The following ITGA11 variants were observed in gnomAD, a reference collection of about 807,000 sequenced individuals.
ITGA11 encodes integrin alpha-11.
Under a neutral mutation model 141.9 loss-of-function variants are expected in ITGA11, and 97 were observed. The ratio of observed to expected loss-of-function variants is 0.68; its 90% CI spans 0.58 to 0.81. The LOEUF (loss-of-function observed/expected upper bound fraction) is 0.81, where lower values mean the gene tolerates loss of function less well. Among genes scored for constraint, ITGA11 ranks in the 30% least tolerant of loss-of-function variants. ITGA11 has a pLI of 0.00. For synonymous variants in ITGA11, 658 were observed against 624.6 expected, an observed-to-expected ratio of 1.05 and a Z score of -0.80; for missense variants, 1,387 against 1,559.2, an observed-to-expected ratio of 0.89 and a Z score of 1.86.
rs190340655 is a variant in ITGA11 at position 68,401,689 on chromosome 15, G to A, written c.164+1229C>T. Among the ~76,000 whole-genome samples, 640 of 152,214 alleles carry A rather than the reference G, an allele frequency of 4.2e-3. 3 individuals are homozygous for A. The highest frequency in any genetic ancestry group is 6.7e-3 in the Non-Finnish European group (454 of 68,002). ...AGTCAGCATAGTGGGTCCCTGGAGG[G>A]GCACTGGCTGGGGCGGGGGTGAGTG... On this transcript the variant is annotated intron_variant, in intron 2 of 29. Transcript: ENST00000315757.
intron 21 of ITGA11, among the ~76,000 whole-genome samples, chr15:68,317,049 T>C (rs1226498239): frequency 6.6e-6 from 1 of 152,224 alleles, no homozygotes; most frequent in Non-Finnish European, 1.5e-5. Context: ...GAATTCTCTC[T>C]GAGTTAAAGG....
intron 10 of ITGA11, among the ~76,000 whole-genome samples, chr15:68,343,232 G>A (rs1442956513): frequency 2.0e-5 from 3 of 152,156 alleles, no homozygotes; most frequent in Admixed American, 6.5e-5. Context: ...CGTCATTGCG[G>A]TAGCATGTGA....
At chr15:68,395,238 G>C (rs1418577940) in intron 2 of ITGA11, among the ~76,000 whole-genome samples, 1 of 152,200 alleles carries the variant, frequency 6.6e-6, no homozygotes, top group Non-Finnish European at 1.5e-5. Flanking sequence ...GAGCAGAAAA[G>C]CTGAAAACTC....
chr15:68,329,563 G>A (rs983754626), intron 15 of ITGA11, among the ~76,000 whole-genome samples: 3 of 152,180 alleles, frequency 2.0e-5, no homozygotes, highest in Non-Finnish European at 4.4e-5. Context: ...CTGTGAGACC[G>A]ATTCTCTTGA....
At chr15:68,311,172 C>T (rs1893369104) in intron 25 of ITGA11, 92 bp from the exon 26 acceptor site, 1 of 1,295,488 alleles carries the variant, frequency 7.7e-7, no homozygotes, top group Non-Finnish European at 1.1e-6. Context: ...TTTTCTCCTC[C>T]TCTAGCCGTG....
Position 68,322,990 on chromosome 15 carries a change from G to A in ITGA11, c.2323-1487C>T, listed in dbSNP as rs1379471963. Among the ~76,000 whole-genome samples the A allele has an allele frequency of 5.3e-5, 8 of 152,232 alleles. No individual in the cohort carries two copies. Among genetic ancestry groups the A allele is most frequent in the Non-Finnish European group, 1.2e-4 (8 of 68,040 alleles). On this transcript the variant is annotated intron_variant, in intron 18 of 29. Coordinates refer to ENST00000315757, the MANE Select transcript of ITGA11 (RefSeq NM_001004439.2). This position sits in a 1 kb window ranked among gnomAD's most constrained non-coding sequence, Gnocchi z 5.6. ...GGATATTCAAGCCTGGAGCTGAGGG[G>A]CAGTAACTGTCACTACCGACAACAC...
At chr15:68,312,967 C>T (rs1040696113) in intron 23 of ITGA11, 104 bp from the exon 24 acceptor site, 42 of 761,204 alleles carry the variant, frequency 5.5e-5, no homozygotes, top group East Asian at 8.3e-5. Flanking sequence ...CCCCGGGCCA[C>T]GAAAAACAGG....
chr15:68,311,258 C>T (rs145367554), intron 25 of ITGA11, 32 bp downstream of exon 25: 26,975 of 1,474,546 alleles, frequency 0.018, 300 homozygotes, highest in Non-Finnish European at 0.022. Context: ...TTCTGGTCCC[C>T]TCCCCTAGCC....
At chr15:68,384,508 C>T (rs528483165) in intron 2 of ITGA11, among the ~76,000 whole-genome samples, 17 of 152,300 alleles carry the variant, frequency 1.1e-4, no homozygotes, top group Admixed American at 2.0e-4. Context: ...TCTGGATTTC[C>T]ACTCTCCCAG....
chr15:68,320,159 G>A lies in ITGA11; in HGVS notation c.2616+26C>T, dbSNP rs201235658. 24 of 1,607,552 alleles carry A rather than the reference G, an allele frequency of 1.5e-5. No individual in the cohort carries two copies. The African/African-American group carries it at 2.8e-4, about 19-fold the overall frequency. On this transcript the variant is annotated intron_variant, in intron 20 of 29. Transcript: ENST00000315757. The stretch of plus-strand genomic sequence containing the variant: ...TTTTCCTCTGTGCCAGGCAGAGGCA[G>A]TCTGGGCAGGTCGCTGAGGTCTTAC...
intron 4 of ITGA11, among the ~76,000 whole-genome samples, chr15:68,363,962 A>C (rs1176471944): frequency 1.3e-5 from 2 of 152,236 alleles, no homozygotes; most frequent in African/African-American, 4.8e-5. Flanking sequence ...CTCTCTTTCC[A>C]CCACAGTGTA....
chr15:68,310,413 G>A lies in ITGA11; in HGVS notation c.3174+581C>T, dbSNP rs185756036. On this transcript the variant is annotated intron_variant, in intron 26 of 29. Transcript: ENST00000315757. ...TCTGGGGGAAGTAAAACTAAAACAG[G>A]GAAGATTGTTGTCTGGGGGAAGAAC... is the stretch of plus-strand genomic sequence containing the variant. Among the ~76,000 whole-genome samples, 12 of 152,248 alleles carry A rather than the reference G, an allele frequency of 7.9e-5. 1 individual carries two copies. The highest frequency in any genetic ancestry group is 3.4e-3 in the Middle Eastern group (1 of 294).
rs1894260389 is a variant in ITGA11, at chr15:68,333,885, T to C, written c.1426-1407A>G. On this transcript the variant is annotated intron_variant, in intron 12 of 29. Coordinates refer to ENST00000315757, the MANE Select transcript of ITGA11 (RefSeq NM_001004439.2). This position sits in a 1 kb window ranked among gnomAD's most constrained non-coding sequence, Gnocchi z 4.2. ...CTGCCAAACTGAGTTATTTCTCTTC[T>C]CCAAAGGCCCCAGGCCTTGGCTGGC... is the stretch of plus-strand genomic sequence containing the variant. 6.6e-6 allele frequency among the ~76,000 whole-genome samples: 1 copy of C among 152,186 alleles called. No homozygotes were observed. The highest frequency in any genetic ancestry group is 1.5e-5 in the Non-Finnish European group (1 of 68,026).
At chr15:68,425,859 C>T (rs575534702) in intron 1 of ITGA11, among the ~76,000 whole-genome samples, 15 of 152,312 alleles carry the variant, frequency 9.8e-5, no homozygotes, top group East Asian at 7.7e-4. Flanking sequence ...GCCCCAGCTG[C>T]GCAGGCAGGA....
At chr15:68,353,632 G>A (rs1490878469) in intron 7 of ITGA11, among the ~76,000 whole-genome samples, 1 of 152,078 alleles carries the variant, frequency 6.6e-6, no homozygotes, top group Non-Finnish European at 1.5e-5. Context: ...TTTTAAATTC[G>A]GATTCTGCAC....
intron 2 of ITGA11, among the ~76,000 whole-genome samples, chr15:68,394,981 C>T (rs532284400): frequency 5.6e-4 from 85 of 152,258 alleles, no homozygotes; most frequent in African/African-American, 1.9e-3. Flanking sequence ...ATGCAGAAGA[C>T]GGGTGATTTC....
intron 2 of ITGA11, among the ~76,000 whole-genome samples, chr15:68,392,849 A>G (rs1350252491): frequency 2.0e-5 from 3 of 152,234 alleles, no homozygotes; most frequent in African/African-American, 7.2e-5. Flanking sequence ...TATTTACAAA[A>G]TGAGTAAATA....
chr15:68,351,101 G>T (rs2279101), intron 8 of ITGA11, among the ~76,000 whole-genome samples, 157 bp downstream of exon 8: 1 of 151,950 alleles, frequency 6.6e-6, no homozygotes, highest in African/African-American at 2.4e-5. Context: ...AGTGCAGAAA[G>T]ATCCTCAACT....
Position 68,348,843 on chromosome 15 carries a change from G to A in ITGA11, c.1118C>T (p.Ser373Leu), listed in dbSNP as rs370537171. Residue 373 changes from serine to leucine, a missense_variant, in exon 10 of 30, where the codon TCG (serine) becomes TTG (leucine). Ser to Leu is a moderately radical substitution (Grantham distance 145). Coordinates refer to ENST00000315757, the MANE Select transcript of ITGA11 (RefSeq NM_001004439.2). ...GLEMSQTGFS[S>L]HVVEDGVLLG... is the part of the protein sequence containing the mutation. ...TCCACCACATACCTCCACCACGTGCGAGGAAAAGCCCGTCTGTGACATCTC... is the reference window on the plus strand; with the variant it reads ...TCCACCACATACCTCCACCACGTGCAAGGAAAAGCCCGTCTGTGACATCTC... 27 of 1,608,702 alleles carry A rather than the reference G, an allele frequency of 1.7e-5. No homozygotes were observed. The highest frequency in any genetic ancestry group is 6.7e-5 in the African/African-American group (5 of 74,950).
Sources: allele counts gnomAD v4.1 joint callset (sites outside exome capture counted in the v4.1 genomes callset), GRCh38; gene constraint gnomAD v4.1.1; non-coding constraint Gnocchi (gnomAD v3.1); transcripts MANE v1.5; gene names NCBI Gene and HGNC (gene_info 2026-07-23, HGNC 2026-07-21).